Variants in NT5M observed in about 807,000 individuals in gnomAD.
NT5M encodes the protein 5'(3')-deoxyribonucleotidase, mitochondrial.
In NT5M, 22 loss-of-function variants were observed where a neutral mutation model predicts 22.2. The ratio of observed to expected loss-of-function variants is 0.99; its 90% CI spans 0.71 to 1.41. The LOEUF (loss-of-function observed/expected upper bound fraction) is 1.41. Ranked by LOEUF, NT5M falls within the 40% of genes most tolerant of loss-of-function variation. NT5M has a pLI of 0.00. For missense variants in NT5M, 322 were observed against 314.8 expected, an observed-to-expected ratio of 1.02 and a Z score of -0.17; for synonymous variants, 167 against 133.0, an observed-to-expected ratio of 1.26 and a Z score of -1.76.
At chr17:17,325,936 G>A (rs778365413) in intron 3 of NT5M, among the ~76,000 whole-genome samples, 15 of 152,072 alleles carry the variant, frequency 9.9e-5, no homozygotes, top group Non-Finnish European at 1.8e-4. Context: ...TTGTGTTTTC[G>A]TCTGTGGCTT....
At chr17:17,326,399 C>T (rs775247804) in intron 3 of NT5M, among the ~76,000 whole-genome samples, 142 of 152,250 alleles carry the variant, frequency 9.3e-4, no homozygotes, top group Middle Eastern at 3.4e-3. Flanking sequence ...TTGGAAACCG[C>T]GCATATTTAA....
chr17:17,342,434 C>T (rs1445746803), intron 3 of NT5M, among the ~76,000 whole-genome samples: 4 of 152,126 alleles, frequency 2.6e-5, no homozygotes, highest in East Asian at 1.9e-4. Flanking sequence ...AGATGAAACA[C>T]GGAAACTGGG....
rs770054001 is a variant in NT5M, at chr17:17,323,309, T to C, written c.429+64T>C. The C allele has an allele frequency of 5.7e-5, 76 of 1,328,560 alleles. No individual in the cohort carries two copies. In the Admixed American group the frequency reaches 6.2e-4, roughly 11 times the overall value. 82.3% of individuals were successfully genotyped at this position (1,328,560 alleles called of 1,614,324 possible). A position where few individuals can be genotyped will look rare whatever the true frequency, so the allele number is the denominator to read the frequency against. On this transcript the variant is annotated intron_variant, in intron 3 of 4. Coordinates refer to ENST00000389022, the MANE Select transcript of NT5M (RefSeq NM_020201.4). ...GCATCACAGGTGAGGGGTACGGGGC[T>C]CAGCCTGCCTGTGGAAAGGGGATGG...
intron 3 of NT5M, among the ~76,000 whole-genome samples, chr17:17,332,101 G>T (rs563582752): frequency 6.6e-6 from 1 of 152,184 alleles, no homozygotes; most frequent in Non-Finnish European, 1.5e-5. Context: ...TTTTCTAGCA[G>T]TGTCATTCAC....
rs2049770424 is a variant in NT5M at position 17,346,839 on chromosome 17, C to G, written c.579C>G (p.Leu193=). The part of the protein sequence containing the change: ...AEPTPSWEHV[L]FTACHNQHLQ... ...CAACCCCCAGCTGGGAGCATGTCCT[C>G]TTCACCGCCTGCCACAACCAGCACC... is the stretch of plus-strand genomic sequence containing the variant. Residue 193 remains leucine (L), a synonymous_variant, in exon 5 of 5, where the codon CTC becomes CTG. Transcript: ENST00000389022. The G allele has an allele frequency of 6.2e-7, 1 of 1,608,036 alleles. No homozygotes were observed.
chr17:17,327,749 C>A (rs1471489581), intron 3 of NT5M, among the ~76,000 whole-genome samples: 3 of 106,192 alleles, frequency 2.8e-5, no homozygotes, highest in African/African-American at 9.7e-5. Flanking sequence ...AACTCCTGAC[C>A]TTGTGATCCA....
chr17:17,311,353 A>T (rs978867090), intron 2 of NT5M, among the ~76,000 whole-genome samples: 11 of 143,794 alleles, frequency 7.6e-5, no homozygotes, highest in African/African-American at 2.8e-4. Flanking sequence ...AAAAAAAAAG[A>T]GTTTTAGTTT....
At chr17:17,318,039 C>T (rs1391725544) in intron 2 of NT5M, among the ~76,000 whole-genome samples, 7 of 150,372 alleles carry the variant, frequency 4.7e-5, no homozygotes, top group East Asian at 2.0e-4. Flanking sequence ...TGTATATCCA[C>T]GGAATTGAAA....
chr17:17,345,682 A>G (rs1474713198), intron 4 of NT5M, among the ~76,000 whole-genome samples: 2 of 151,572 alleles, frequency 1.3e-5, no homozygotes, highest in East Asian at 3.9e-4. Context: ...ATCATGGCGC[A>G]TGCCTGTGGT....
rs964858847 is a variant in NT5M at position 17,346,881 on chromosome 17, C to G, written c.621C>G (p.Pro207=). The part of the protein sequence containing the change: ...CHNQHLQLQP[P]RRRLHSWADD... Reference sequence around the variant, plus strand: ...ACCAGCACCTGCAGCTGCAGCCCCCCCGCCGCAGGCTGCACTCGTGGGCGG... The same window carrying G: ...ACCAGCACCTGCAGCTGCAGCCCCCGCGCCGCAGGCTGCACTCGTGGGCGG... Residue 207 remains proline (P), a synonymous_variant, in exon 5 of 5, where the codon CCC becomes CCG. Coordinates refer to ENST00000389022, the MANE Select transcript of NT5M (RefSeq NM_020201.4). 5 of 1,609,746 alleles carry G rather than the reference C, an allele frequency of 3.1e-6. No individual in the cohort carries two copies. In the Admixed American group the frequency reaches 8.3e-5, roughly 27 times the overall value.
intron 2 of NT5M, among the ~76,000 whole-genome samples, chr17:17,316,117 C>T (rs566739025): frequency 7.4e-5 from 11 of 148,626 alleles, no homozygotes; most frequent in Non-Finnish European, 1.5e-4. Flanking sequence ...TGTAGTGGTG[C>T]CATCTTGGCT....
chr17:17,305,348 C>T (rs2048772362), intron 1 of NT5M, among the ~76,000 whole-genome samples: 1 of 150,326 alleles, frequency 6.7e-6, no homozygotes, highest in South Asian at 2.1e-4. Context: ...TGTGGACATC[C>T]CTGGGCCTAC....
chr17:17,344,901 C>T lies in NT5M; in HGVS notation c.537C>T (p.Asp179=). The change falls in exon 4 of 5, where the codon GAC becomes GAT. Residue 179 remains aspartate, a synonymous_variant. Coordinates refer to ENST00000389022, the MANE Select transcript of NT5M (RefSeq NM_020201.4). ...ACCTTCTCATAGACGACCGGCCGGA[C>T]ATCACAGGCAAGTGGCCTGCGACAG... ...SADLLIDDRP[D]ITGAEPTPSW... is the part of the protein sequence containing the mutation. The T allele has an allele frequency of 6.2e-6, 10 of 1,614,204 alleles. No individual in the cohort carries two copies. The highest frequency in any genetic ancestry group is 8.5e-6 in the Non-Finnish European group (10 of 1,180,020).
At chr17:17,333,076 G>A (rs920259028) in intron 3 of NT5M, among the ~76,000 whole-genome samples, 2 of 151,598 alleles carry the variant, frequency 1.3e-5, no homozygotes, top group East Asian at 3.9e-4. Flanking sequence ...GTGTCTCATT[G>A]TTGTTTTGAT....
chr17:17,312,519 C>T (rs549548824), intron 2 of NT5M, among the ~76,000 whole-genome samples: 2 of 151,870 alleles, frequency 1.3e-5, no homozygotes, highest in South Asian at 4.2e-4. Flanking sequence ...TGGTGCATGC[C>T]TGTAATCCCA....
intron 3 of NT5M, among the ~76,000 whole-genome samples, chr17:17,341,273 T>TA (rs1387726547): frequency 3.3e-5 from 5 of 152,166 alleles, no homozygotes; most frequent in Admixed American, 1.3e-4. Flanking sequence ...TTATAATAAT[T>TA]ACATTTATTT....
At chr17:17,322,835 CAT>C (rs1289754300) in intron 2 of NT5M, among the ~76,000 whole-genome samples, 1 of 152,218 alleles carries the variant, frequency 6.6e-6, no homozygotes, top group Admixed American at 6.5e-5. Flanking sequence ...CTTAGCCTGG[CAT>C]GGAGTAGGCT....
At chr17:17,328,597 A>G (rs2049310829) in intron 3 of NT5M, among the ~76,000 whole-genome samples, 1 of 152,154 alleles carries the variant, frequency 6.6e-6, no homozygotes, top group Admixed American at 6.5e-5. Context: ...GAGGTCTCCC[A>G]CGGTAGCCCC....
chr17:17,318,075 C>T (rs1015100864), intron 2 of NT5M, among the ~76,000 whole-genome samples: 1 of 151,850 alleles, frequency 6.6e-6, no homozygotes. Flanking sequence ...AATACTAGTA[C>T]CCGAATGTCC....
Sources: gnomAD v4.1 joint callset for allele counts (sites outside exome capture counted in the v4.1 genomes callset) on GRCh38, gnomAD v4.1.1 for gene constraint, MANE v1.5 for transcripts, NCBI Gene and HGNC (gene_info 2026-07-23, HGNC 2026-07-21) for gene names.